The following NBPF9 variants were observed in gnomAD, a reference collection of about 807,000 sequenced individuals.
The protein encoded by NBPF9 is NBPF family member NBPF9.
NBPF9 carries 91 observed loss-of-function variants against 97.8 expected under a neutral mutation model. The observed-to-expected ratio is 0.93, with a 90% CI of 0.79 to 1.11. The LOEUF is 1.11. Ranked by LOEUF, NBPF9 falls within the 50% of genes least tolerant of loss-of-function variation. The pLI is 0.00. For synonymous variants in NBPF9, 334 were observed against 359.5 expected, an observed-to-expected ratio of 0.93 and a Z score of 0.80; for missense variants, 992 against 939.5, an observed-to-expected ratio of 1.06 and a Z score of -0.73.
At position 149,055,540 on chromosome 1, in the gene NBPF9, C is replaced by T. The variant is rs1553648542; in HGVS notation, c.*116G>A. On this transcript the variant is annotated 3_prime_UTR_variant, in exon 30 of 30. Coordinates refer to ENST00000584027, the Ensembl canonical transcript of NBPF9. Reference sequence around the variant, plus strand: ...GTTTGAGAATAGGAATAGAGCCATGCCCACTGACCCATCCTATGTCTGGGC... The same window carrying T: ...GTTTGAGAATAGGAATAGAGCCATGTCCACTGACCCATCCTATGTCTGGGC... 8 of 1,563,840 alleles carry T rather than the reference C, an allele frequency of 5.1e-6. No homozygotes were observed. In the Admixed American group the frequency reaches 5.4e-5, roughly 11 times the overall value.
At chr1:149,090,603 T>C (rs1360625697) in intron 5 of NBPF9, 150 bp downstream of exon 5, 23 of 613,846 alleles carry the variant, frequency 3.7e-5, no homozygotes, top group Admixed American at 9.3e-5. Context: ...AGAAAATTGT[T>C]CAACAAGGGA....
At chr1:149,071,912 C>T (rs1453315689) in intron 14 of NBPF9, among the ~76,000 whole-genome samples, 32 of 151,870 alleles carry the variant, frequency 2.1e-4, no homozygotes, top group Non-Finnish European at 4.4e-4. Flanking sequence ...AGACCTTTCG[C>T]TTCCCATATC....
intron 27 of NBPF9, 57 bp downstream of exon 27, chr1:149,058,107 G>C (rs1317528324): frequency 5.5e-6 from 3 of 550,148 alleles, no homozygotes; most frequent in African/African-American, 6.9e-5. Flanking sequence ...TGTTTTCCCT[G>C]AACCAGGAGT....
Position 149,077,812 on chromosome 1 carries a change from A to G in NBPF9, c.566+71T>C. On this transcript the variant is annotated intron_variant, in intron 10 of 29. Transcript: ENST00000584027. The stretch of plus-strand genomic sequence containing the variant: ...GGGCTTTTGGCCCACCATAGATGCC[A>G]GAGAGGGTGTGCCTCCTAGACATCT... The G allele has an allele frequency of 8.8e-6, 14 of 1,588,520 alleles. 1 individual carries two copies. The highest frequency in any genetic ancestry group is 1.2e-5 in the Non-Finnish European group (14 of 1,158,484).
intron 1 of NBPF9, 44 bp downstream of exon 1, chr1:149,103,257 G>T (rs2082270857): frequency 1.3e-5 from 2 of 151,076 alleles, no homozygotes; most frequent in African/African-American, 2.4e-5. Context: ...TGTACCCGCG[G>T]GTCCCGGACT....
At chr1:149,062,529 C>A (rs1553650367) in intron 21 of NBPF9, among the ~76,000 whole-genome samples, 2 of 143,286 alleles carry the variant, frequency 1.4e-5, no homozygotes, top group African/African-American at 5.2e-5. Context: ...ATGAAGGGGT[C>A]AAAGGACACT....
chr1:149,089,673 T>C (rs1421867460), intron 5 of NBPF9, among the ~76,000 whole-genome samples: 2 of 152,306 alleles, frequency 1.3e-5, no homozygotes, highest in Non-Finnish European at 2.9e-5. Context: ...TGTGCTCATA[T>C]TCGGAAAAGA....
intron 17 of NBPF9, among the ~76,000 whole-genome samples, chr1:149,068,211 G>C (rs2079153629): frequency 1.3e-5 from 2 of 148,906 alleles, no homozygotes; most frequent in Non-Finnish European, 2.9e-5. Flanking sequence ...GGAAGAAACT[G>C]CATCAACTAA....
chr1:149,072,692 G>C, intron 14 of NBPF9, 26 bp downstream of exon 14: 1 of 1,611,584 alleles, frequency 6.2e-7, no homozygotes, highest in Non-Finnish European at 8.5e-7. Flanking sequence ...GGGGTTTTGG[G>C]TCAACAGGGC....
At chr1:149,103,363 C>T (rs1265918938) in exon 1 of NBPF9, 1 of 152,028 alleles carries the variant, frequency 6.6e-6, no homozygotes, top group Non-Finnish European at 1.5e-5. Flanking sequence ...GCAGCCGCGC[C>T]GCCGCGCCTC....
intron 5 of NBPF9, among the ~76,000 whole-genome samples, chr1:149,082,965 T>C (rs1417748794): frequency 2.7e-5 from 3 of 110,630 alleles, no homozygotes; most frequent in African/African-American, 9.8e-5. Context: ...TTCTTTTTTT[T>C]TTTTTTTTTT....
At chr1:149,061,232 TGAAAA>T in intron 23 of NBPF9, 95 bp downstream of exon 23, 1 of 314,758 alleles carries the variant, frequency 3.2e-6, no homozygotes, top group Non-Finnish European at 5.8e-6. Flanking sequence ...CAGGCTTGCT[TGAAAA>T]GATGTAATCG....
Position 149,072,939 on chromosome 1 carries a change from T to G in NBPF9, c.1092-7A>C. On this transcript the variant is annotated splice_region_variant and splice_polypyrimidine_tract_variant and intron_variant, in intron 13 of 29. Transcript: ENST00000584027. ...AACCAGGACTTTATATTGCCTAAGGTGAGATGGTAGAGAAAAATTAAGAGT... is the reference window on the plus strand; with the variant it reads ...AACCAGGACTTTATATTGCCTAAGGGGAGATGGTAGAGAAAAATTAAGAGT... 2 of 1,606,340 alleles carry G rather than the reference T, an allele frequency of 1.2e-6. 1 individual carries two copies.
Position 149,059,265 on chromosome 1 carries a change from A to G in NBPF9, c.2586-168T>C. The G allele has an allele frequency of 6.4e-6, 3 of 469,242 alleles. 1 individual carries two copies. In the South Asian group the frequency reaches 7.0e-5, roughly 11 times the overall value. The allele number at this position is 469,242 out of a possible 1,614,324, so 29.1% of individuals were successfully genotyped here. ...AGGTTGGGATAGACCAGGGCCAGGT[A>G]GAAAAGAATGAAAGAGAAAGACAGG... On this transcript the variant is annotated intron_variant, in intron 25 of 29. Coordinates refer to ENST00000584027, the Ensembl canonical transcript of NBPF9.
chr1:149,072,854 G>A (rs2079528278), exon 14 of NBPF9: 2 of 1,603,942 alleles, frequency 1.2e-6, no homozygotes. Flanking sequence ...ATGAGCGGGA[G>A]GCATCTCTCC....
chr1:149,099,640 C>G (rs2082014580), intron 3 of NBPF9, among the ~76,000 whole-genome samples: 1 of 152,048 alleles, frequency 6.6e-6, no homozygotes, highest in South Asian at 2.1e-4. Context: ...TAAATAATAG[C>G]TGTTAAGAGA....
chr1:149,085,965 G>GT (rs2080962473), intron 5 of NBPF9, among the ~76,000 whole-genome samples: 2 of 151,288 alleles, frequency 1.3e-5, no homozygotes, highest in South Asian at 4.2e-4. Flanking sequence ...CTTCAGGTCC[G>GT]TTTGCATTTT....
At chr1:149,067,373 C>T (rs1370598302) in intron 17 of NBPF9, among the ~76,000 whole-genome samples, 1 of 128,328 alleles carries the variant, frequency 7.8e-6, no homozygotes, top group Non-Finnish European at 1.7e-5. Context: ...AGGTTAGTTA[C>T]ATATGTATAC....
At chr1:149,071,108 G>C (rs781950303) in exon 16 of NBPF9, 65 of 1,606,036 alleles carry the variant, frequency 4.0e-5, no homozygotes, top group Non-Finnish European at 5.3e-5. Flanking sequence ...GAGTCCTCAG[G>C]GACTTCCTTT....
Sources: allele counts gnomAD v4.1 joint callset (sites outside exome capture counted in the v4.1 genomes callset), GRCh38; gene constraint gnomAD v4.1.1; transcripts MANE v1.5; gene names NCBI Gene and HGNC (gene_info 2026-07-23, HGNC 2026-07-21).